LRMDA: variants seen among roughly 807,000 people sequenced by gnomAD.
LRMDA encodes the protein leucine-rich melanocyte differentiation-associated protein.
LRMDA carries 18 observed loss-of-function variants against 29.8 expected under a neutral mutation model. That is an observed-to-expected ratio of 0.60 (90% CI 0.42 to 0.90). The LOEUF (loss-of-function observed/expected upper bound fraction) is 0.90, where lower values mean the gene tolerates loss of function less well. Ranked by LOEUF, LRMDA falls within the 40% of genes least tolerant of loss-of-function variation. The pLI, the probability that LRMDA is intolerant of heterozygous loss-of-function variation, is 0.00. For missense variants in LRMDA, 273 were observed against 273.9 expected (o/e 1.00, Z 0.02); for synonymous variants, 125 against 109.4 (o/e 1.14, Z -0.89).
At chr10:76,257,336 CTTT>C (rs35378191) in intron 5 of LRMDA, among the ~76,000 whole-genome samples, 2 of 142,144 alleles carry the variant, frequency 1.4e-5, no homozygotes, top group Non-Finnish European at 1.5e-5. Context: ...TTTTCTTTTT[CTTT>C]TTTTTTTTTT....
intron 6 of LRMDA, among the ~76,000 whole-genome samples, chr10:76,426,001 T>C (rs1241959060): frequency 6.6e-6 from 1 of 152,210 alleles, no homozygotes; most frequent in African/African-American, 2.4e-5. Flanking sequence ...CAGTCTATCA[T>C]TGTTGGACAT....
At chr10:76,056,329 A>G (rs751782935) in intron 4 of LRMDA, among the ~76,000 whole-genome samples, 6 of 152,190 alleles carry the variant, frequency 3.9e-5, no homozygotes, top group Non-Finnish European at 8.8e-5. Flanking sequence ...AAAAAGTACC[A>G]TATGTTCTCA....
chr10:75,517,199 A>G (rs572502359), intron 2 of LRMDA, among the ~76,000 whole-genome samples: 3 of 152,204 alleles, frequency 2.0e-5, no homozygotes, highest in South Asian at 4.1e-4. Context: ...TTTTGGTTCC[A>G]TATGAACTTT....
chr10:76,057,763 A>T (rs1383629845), intron 4 of LRMDA, among the ~76,000 whole-genome samples: 1 of 152,212 alleles, frequency 6.6e-6, no homozygotes, highest in Non-Finnish European at 1.5e-5. Flanking sequence ...GGGTGGAAAC[A>T]ACTCGCTTGT....
At chr10:76,315,274 G>A (rs1589423941) in intron 5 of LRMDA, among the ~76,000 whole-genome samples, 1 of 152,224 alleles carries the variant, frequency 6.6e-6, no homozygotes, top group Non-Finnish European at 1.5e-5. Flanking sequence ...GTGGGAGCCA[G>A]GAACAGACAA....
chr10:76,077,991 CATTTTTTTTTTTT>C (rs1848986551), intron 5 of LRMDA, among the ~76,000 whole-genome samples: 2 of 83,432 alleles, frequency 2.4e-5, no homozygotes, highest in African/African-American at 9.2e-5. Context: ...GCAATATTAA[CATTTTTTTTTTTT>C]TTTTTTTTTT....
intron 5 of LRMDA, among the ~76,000 whole-genome samples, chr10:76,201,173 C>T (rs995062459): frequency 1.1e-4 from 16 of 150,836 alleles, no homozygotes; most frequent in East Asian, 7.9e-4. Flanking sequence ...CTCGGCTCCC[C>T]GTAACCTCTA....
chr10:76,491,769 CTT>C (rs1359290527), intron 6 of LRMDA, among the ~76,000 whole-genome samples: 2 of 152,016 alleles, frequency 1.3e-5, no homozygotes, highest in Non-Finnish European at 2.9e-5. Context: ...ACTTTCTACT[CTT>C]GTCTCTTTCT....
chr10:76,118,284 T>G (rs755345961), intron 5 of LRMDA, among the ~76,000 whole-genome samples: 6 of 152,160 alleles, frequency 3.9e-5, no homozygotes, highest in Admixed American at 6.5e-5. Context: ...TGGAGTTAAT[T>G]AACTTAGGGA....
intron 5 of LRMDA, among the ~76,000 whole-genome samples, chr10:76,214,695 C>G (rs1851698492): frequency 6.6e-6 from 1 of 152,150 alleles, no homozygotes; most frequent in Admixed American, 6.5e-5. Context: ...TAAGTGATAA[C>G]TACATTTCTG....
At chr10:75,941,747 G>T (rs1308246764) in intron 2 of LRMDA, among the ~76,000 whole-genome samples, 1 of 152,178 alleles carries the variant, frequency 6.6e-6, no homozygotes, top group Non-Finnish European at 1.5e-5. Flanking sequence ...CACTTGTAAA[G>T]ATTGGGGACT....
At chr10:75,941,093 T>G (rs1435717753) in intron 2 of LRMDA, among the ~76,000 whole-genome samples, 1 of 152,178 alleles carries the variant, frequency 6.6e-6, no homozygotes, top group East Asian at 1.9e-4. Flanking sequence ...TGACTGTGTT[T>G]AAAAACTAAT....
At chr10:75,646,514 C>G (rs1370723941) in intron 2 of LRMDA, among the ~76,000 whole-genome samples, 1 of 152,184 alleles carries the variant, frequency 6.6e-6, no homozygotes, top group Non-Finnish European at 1.5e-5. Context: ...ACAGCTGCTG[C>G]ATACCTACAC....
intron 2 of LRMDA, among the ~76,000 whole-genome samples, chr10:75,610,108 A>G (rs917341346): frequency 1.3e-5 from 2 of 152,230 alleles, no homozygotes; most frequent in African/African-American, 4.8e-5. Context: ...CACTTAAAAA[A>G]TTGTGATAGG....
intron 6 of LRMDA, among the ~76,000 whole-genome samples, chr10:76,436,725 G>A (rs772571131): frequency 2.0e-4 from 31 of 152,158 alleles, no homozygotes; most frequent in Admixed American, 1.4e-3. Flanking sequence ...TGTCTTGGAC[G>A]TCCATTCACT....
chr10:76,455,095 A>C (rs1842444171), intron 6 of LRMDA, among the ~76,000 whole-genome samples: 1 of 152,160 alleles, frequency 6.6e-6, no homozygotes, highest in Admixed American at 6.5e-5. Context: ...AGTCTGCAGG[A>C]GAGAGTAAGA....
At chr10:75,799,609 G>C (rs1427735807) in intron 2 of LRMDA, among the ~76,000 whole-genome samples, 2 of 150,890 alleles carry the variant, frequency 1.3e-5, no homozygotes, top group Non-Finnish European at 2.9e-5. Context: ...CCGCCTCCCG[G>C]GTTCAAGTGA....
intron 2 of LRMDA, among the ~76,000 whole-genome samples, chr10:75,893,386 A>G (rs1203638328): frequency 1.3e-5 from 2 of 152,250 alleles, no homozygotes; most frequent in African/African-American, 4.8e-5. Flanking sequence ...GACATTGGCC[A>G]TTGTATTTAT....
At chr10:76,301,855 A>T (rs1564716474) in intron 5 of LRMDA, among the ~76,000 whole-genome samples, 1 of 152,196 alleles carries the variant, frequency 6.6e-6, no homozygotes, top group Admixed American at 6.5e-5. Flanking sequence ...AGTGTTATTT[A>T]TTTGTGCAAT....
Sources: gnomAD v4.1 joint callset for allele counts (sites outside exome capture counted in the v4.1 genomes callset) on GRCh38, gnomAD v4.1.1 for gene constraint, MANE v1.5 for transcripts, NCBI Gene and HGNC (gene_info 2026-07-23, HGNC 2026-07-21) for gene names.